The following TENM2 variants were observed in gnomAD, a reference collection of about 807,000 sequenced individuals.
The protein encoded by TENM2 is teneurin transmembrane protein 2, also known as teneurin-2.
A neutral mutation model predicts 245.2 loss-of-function variants in TENM2; 52 were observed. The ratio of observed to expected loss-of-function variants is 0.21; its 90% confidence interval spans 0.17 to 0.27. The LOEUF (loss-of-function observed/expected upper bound fraction) is 0.27. Ranked by LOEUF, TENM2 falls within the 10% of genes least tolerant of loss-of-function variation. TENM2 has a pLI of 1.00. For synonymous variants in TENM2, 1,363 were observed against 1,438.9 expected (o/e 0.95, Z 1.19); for missense variants, 3,046 against 3,666.8 (o/e 0.83, Z 4.37).
intron 15 of TENM2, among the ~76,000 whole-genome samples, chr5:168,197,897 T>A (rs562647756): frequency 6.6e-6 from 1 of 152,246 alleles, no homozygotes; most frequent in South Asian, 2.1e-4. Flanking sequence ...GGCAAAGAAA[T>A]CAGCCACAGA....
rs192738822 is a variant in TENM2 at position 168,031,099 on chromosome 5, G to T, written c.1187-16328G>T. Among the ~76,000 whole-genome samples, 26 of 152,300 alleles carry T rather than the reference G, an allele frequency of 1.7e-4. 1 individual carries two copies. The highest frequency in any genetic ancestry group is 1.6e-3 in the Admixed American group (25 of 15,298). On this transcript the variant is annotated intron_variant, in intron 5 of 28. Transcript: ENST00000518659. The stretch of plus-strand genomic sequence containing the variant: ...ACATGTGCATGAGGTATGTGTACCA[G>T]GTCAGCTGATCTGAGGTTCCTCTGT...
chr5:167,212,898 G>T, the TENM2 span, among the ~76,000 whole-genome samples: 3 of 152,128 alleles, frequency 2.0e-5, no homozygotes, highest in East Asian at 5.8e-4. Context: ...AACAAGTATT[G>T]CCGGTTTTTC....
At chr5:167,961,650 T>C (rs933444650) in intron 4 of TENM2, among the ~76,000 whole-genome samples, 12 of 152,212 alleles carry the variant, frequency 7.9e-5, no homozygotes, top group African/African-American at 2.9e-4. Flanking sequence ...TTACGTGCAT[T>C]ATCTCACTCA....
intron 3 of TENM2, among the ~76,000 whole-genome samples, chr5:167,944,001 T>C (rs772813550): frequency 6.6e-6 from 1 of 152,206 alleles, no homozygotes; most frequent in Non-Finnish European, 1.5e-5. Flanking sequence ...ATTTTGTCTT[T>C]GTCACTTGGA....
At chr5:167,563,005 G>T (rs796697970) in intron 2 of TENM2, among the ~76,000 whole-genome samples, 2 of 151,364 alleles carry the variant, frequency 1.3e-5, no homozygotes, top group African/African-American at 4.8e-5. Context: ...TACCACTTGT[G>T]ATCTACATGT....
intron 2 of TENM2, among the ~76,000 whole-genome samples, chr5:167,721,852 G>A (rs953078697): frequency 1.3e-5 from 2 of 152,086 alleles, no homozygotes; most frequent in East Asian, 1.9e-4. Flanking sequence ...TTTCCAATGC[G>A]ATTTGACAGA....
At chr5:167,356,217 A>AAAAAAAAAAAAAAAGAAAAATT (rs1759321624) in intron 1 of TENM2, among the ~76,000 whole-genome samples, 11 of 129,170 alleles carry the variant, frequency 8.5e-5, no homozygotes, top group African/African-American at 2.9e-4. Flanking sequence ...AAAAAAAAAA[A>AAAAAAAAAAAAAAAGAAAAATT]AAAATTAAAA....
At chr5:167,455,001 CA>C (rs1457646928) in intron 2 of TENM2, among the ~76,000 whole-genome samples, 1 of 152,024 alleles carries the variant, frequency 6.6e-6, no homozygotes, top group Admixed American at 6.6e-5. Flanking sequence ...ATATCCTCCC[CA>C]AAAAAGAGAA....
chr5:167,105,698 C>T, the TENM2 span, among the ~76,000 whole-genome samples: 2 of 150,714 alleles, frequency 1.3e-5, no homozygotes, highest in African/African-American at 4.9e-5. Flanking sequence ...ACCATCCCGG[C>T]TAAAACGGTG....
chr5:168,093,881 A>G (rs529631152), intron 8 of TENM2, among the ~76,000 whole-genome samples: 1 of 152,298 alleles, frequency 6.6e-6, no homozygotes, highest in South Asian at 2.1e-4. Flanking sequence ...TCCCTCAGAA[A>G]CTGTGAAAAT....
chr5:167,833,327 C>A (rs1311014713), intron 2 of TENM2, among the ~76,000 whole-genome samples: 1 of 152,100 alleles, frequency 6.6e-6, no homozygotes, highest in African/African-American at 2.4e-5. Context: ...TACAAGGAAA[C>A]AAATTTCAGA....
At chr5:168,238,388 C>A (rs1287299956) in intron 25 of TENM2, among the ~76,000 whole-genome samples, 1 of 152,118 alleles carries the variant, frequency 6.6e-6, no homozygotes. Context: ...ACTAAACTCT[C>A]CAAGGCAAAC....
At chr5:167,941,288 C>T (rs893749370) in intron 3 of TENM2, among the ~76,000 whole-genome samples, 1 of 152,148 alleles carries the variant, frequency 6.6e-6, no homozygotes, top group Admixed American at 6.5e-5. Flanking sequence ...CAAGGAAACA[C>T]AGGTCTTCTT....
At chr5:167,257,598 TA>T in the TENM2 span, among the ~76,000 whole-genome samples, 2,455 of 142,962 alleles carry the variant, frequency 0.017, 90 homozygotes, top group East Asian at 0.16. Flanking sequence ...CTAGGCAAGT[TA>T]AAAAAAAAAA....
Position 167,421,117 on chromosome 5 carries a change from T to A in TENM2, c.502+45644T>A, listed in dbSNP as rs573077976. On this transcript the variant is annotated intron_variant, in intron 2 of 28. Coordinates refer to ENST00000518659, the Ensembl canonical transcript of TENM2. ...GAGGTCGTGGTTAAACAGTAATACG[T>A]CTATGCTAAAACTTTAAGAGTATTT... 1.2e-4 allele frequency among the ~76,000 whole-genome samples: 19 copies of A among 152,296 alleles called. No homozygotes were observed. In the South Asian group the frequency reaches 3.7e-3, roughly 30 times the overall value.
intron 2 of TENM2, among the ~76,000 whole-genome samples, chr5:167,449,578 T>C (rs1765452258): frequency 6.6e-6 from 1 of 151,932 alleles, no homozygotes; most frequent in Non-Finnish European, 1.5e-5. Flanking sequence ...ATAAAGACAG[T>C]TTTTAAAATA....
At chr5:168,137,568 G>A (rs575293723) in intron 12 of TENM2, among the ~76,000 whole-genome samples, 1 of 152,316 alleles carries the variant, frequency 6.6e-6, no homozygotes, top group Non-Finnish European at 1.5e-5. Context: ...AACTCAAAAC[G>A]GTGGCTTCTG....
At chr5:167,623,586 C>A (rs1364724633) in intron 2 of TENM2, among the ~76,000 whole-genome samples, 1 of 152,000 alleles carries the variant, frequency 6.6e-6, no homozygotes, top group Non-Finnish European at 1.5e-5. Flanking sequence ...GAGCAAGCTC[C>A]CCACTATGTA....
the TENM2 span, among the ~76,000 whole-genome samples, chr5:167,250,331 GA>G: frequency 7.4e-4 from 112 of 151,592 alleles, no homozygotes; most frequent in African/African-American, 2.6e-3. Flanking sequence ...ATAAAAAGAC[GA>G]AAAAAACAGA....
Sources: gnomAD v4.1 joint callset for allele counts (sites outside exome capture counted in the v4.1 genomes callset) on GRCh38, gnomAD v4.1.1 for gene constraint, MANE v1.5 for transcripts, NCBI Gene and HGNC (gene_info 2026-07-23, HGNC 2026-07-21) for gene names.